TASOR2: variants seen among roughly 807,000 people sequenced by gnomAD.
TASOR2 encodes transcription activation suppressor family member 2, also known as protein TASOR 2.
TASOR2 carries 84 observed loss-of-function variants against 199.5 expected under a neutral mutation model. The ratio of observed to expected loss-of-function variants is 0.42; its 90% confidence interval spans 0.35 to 0.50. The LOEUF (loss-of-function observed/expected upper bound fraction) is 0.50, where lower values mean the gene tolerates loss of function less well. TASOR2 is among the 20% of genes least tolerant of loss of function. TASOR2 has a pLI of 0.02. For missense variants in TASOR2, 2,796 were observed against 2,835.9 expected, an observed-to-expected ratio of 0.99 and a Z score of 0.32; for synonymous variants, 1,103 against 1,046.6, an observed-to-expected ratio of 1.05 and a Z score of -1.04.
At chr10:5,712,752 C>T (rs1158950044) in intron 1 of TASOR2, 71 bp from the exon 2 acceptor site, 1 of 835,426 alleles carries the variant, frequency 1.2e-6, no homozygotes, top group African/African-American at 1.8e-5. Flanking sequence ...TCAAATGATG[C>T]ATTTTTAAAA....
intron 1 of TASOR2, chr10:5,709,410 G>A (rs1831630408): frequency 1.7e-6 from 1 of 590,298 alleles, no homozygotes; most frequent in Non-Finnish European, 2.5e-6. Flanking sequence ...GTCAAAGGAG[G>A]TAAATAAATA....
At chr10:5,703,179 T>C (rs1838114214) in intron 1 of TASOR2, among the ~76,000 whole-genome samples, 1 of 152,192 alleles carries the variant, frequency 6.6e-6, no homozygotes, top group Non-Finnish European at 1.5e-5. Flanking sequence ...AAATTCTCAA[T>C]AATTAACTAG....
In TASOR2 at chr10:5,699,738, G is replaced by A. The variant is rs1837570835; in HGVS notation, c.-287-13085G>A. 1 of 829,190 alleles carries A rather than the reference G, an allele frequency of 1.2e-6. No individual in the cohort carries two copies. Among genetic ancestry groups the A allele is most frequent in the African/African-American group, 1.8e-5 (1 of 54,270 alleles). 51.4% of individuals were successfully genotyped at this position (829,190 alleles called of 1,614,324 possible). ...ATAAAAGTAGAAATGAAATTTTATG[G>A]TAAGTATATTTTACCACAATTTTGA... On this transcript the variant is annotated intron_variant, in intron 1 of 20. Transcript: ENST00000328090. The surrounding 1 kb of genome is among the most constrained non-coding windows in gnomAD (Gnocchi z 4.1).
chr10:5,736,795 T>C (rs530464891), intron 12 of TASOR2, among the ~76,000 whole-genome samples: 17 of 152,044 alleles, frequency 1.1e-4, no homozygotes, highest in Non-Finnish European at 1.9e-4. Flanking sequence ...TTTTTTGTGG[T>C]GTGTGTGTAT....
chr10:5,715,654 G>C (rs1252218778), intron 2 of TASOR2, among the ~76,000 whole-genome samples: 1 of 149,690 alleles, frequency 6.7e-6, no homozygotes, highest in African/African-American at 2.5e-5. Flanking sequence ...TTTTTTTTTT[G>C]GTGGCGGGGT....
At chr10:5,758,330 C>A (rs894994234) in intron 17 of TASOR2, among the ~76,000 whole-genome samples, 1 of 152,114 alleles carries the variant, frequency 6.6e-6, no homozygotes, top group Non-Finnish European at 1.5e-5. Context: ...CCCTGGAGAT[C>A]AGGAGTTCAA....
At chr10:5,757,045 T>C (rs904976146) in intron 16 of TASOR2, among the ~76,000 whole-genome samples, 2 of 152,242 alleles carry the variant, frequency 1.3e-5, no homozygotes, top group African/African-American at 4.8e-5. Context: ...AAAGACCTTT[T>C]GGAAATTTTC....
intron 15 of TASOR2, among the ~76,000 whole-genome samples, chr10:5,753,594 T>C (rs899070274): frequency 5.3e-5 from 8 of 152,134 alleles, no homozygotes; most frequent in African/African-American, 1.9e-4. Context: ...TCTCCTGACC[T>C]TGTGATCCGC....
chr10:5,763,156 CAACTTGGAAAGTTTTCATTTTTTAT>C, exon 21 of TASOR2: 1 of 923,268 alleles, frequency 1.1e-6, no homozygotes, highest in Non-Finnish European at 1.6e-6. Flanking sequence ...CAATGTTCTA[CAACTTGGAAAGTTTTCATTTTTTAT>C]ATTTTGCTGA....
intron 1 of TASOR2, among the ~76,000 whole-genome samples, chr10:5,703,178 A>G (rs553606897): frequency 2.6e-5 from 4 of 152,322 alleles, no homozygotes; most frequent in East Asian, 3.9e-4. Context: ...TAAATTCTCA[A>G]TAATTAACTA....
At position 5,748,978 on chromosome 10, in the gene TASOR2, G is replaced by A; in HGVS notation, c.5557G>A (p.Gly1853Ser). The A allele has an allele frequency of 6.2e-7, 1 of 1,614,150 alleles. No individual in the cohort carries two copies. Among genetic ancestry groups the A allele is most frequent in the African/African-American group, 1.3e-5 (1 of 75,042 alleles). Residue 1853 changes from glycine (G) to serine (S), a missense_variant, in exon 15 of 21, where the codon GGT becomes AGT. Coordinates refer to ENST00000328090, the Ensembl canonical transcript of TASOR2. The surrounding 1 kb of genome is among the most constrained non-coding windows in gnomAD (Gnocchi z 5.1). ...TTTGGAGGATTCTTATACTTTAAGA[G>A]GTAGTTACACCAGGAAAAAAGATGT...
rs1002742029 is a variant in TASOR2 at position 5,751,278 on chromosome 10, C to T, written c.6606+1251C>T. Among the ~76,000 whole-genome samples, 1 of 152,174 alleles carries T rather than the reference C, an allele frequency of 6.6e-6. No homozygotes were observed. The highest frequency in any genetic ancestry group is 6.5e-5 in the Admixed American group (1 of 15,278). On this transcript the variant is annotated intron_variant, in intron 15 of 20. Coordinates refer to ENST00000328090, the Ensembl canonical transcript of TASOR2. This position sits in a 1 kb window ranked among gnomAD's most constrained non-coding sequence, Gnocchi z 5.3. ...GACTTTTATCCACTAGATTTAACAT[C>T]GACTGGTGATTCTTATCTGAATCAG... is the stretch of plus-strand genomic sequence containing the variant.
rs1267560621 is a variant in TASOR2, at chr10:5,761,276, T to C, written c.6993-14T>C. 3.7e-6 allele frequency: 6 copies of C among 1,604,306 alleles called. No homozygotes were observed. The highest frequency in any genetic ancestry group is 1.3e-5 in the African/African-American group (1 of 74,572). ...ACTGAAAAATATTTTAATATGCCTATGTATCTTTCACAGAGTGGATTCAAC... is the reference window on the plus strand; with the variant it reads ...ACTGAAAAATATTTTAATATGCCTACGTATCTTTCACAGAGTGGATTCAAC... On this transcript the variant is annotated splice_polypyrimidine_tract_variant and intron_variant, in intron 18 of 20. Transcript: ENST00000328090.
intron 16 of TASOR2, 109 bp from the exon 18 acceptor site, chr10:5,757,409 ATT>A (rs1839123883): frequency 1.8e-6 from 2 of 1,089,978 alleles, no homozygotes; most frequent in Non-Finnish European, 2.6e-6. Flanking sequence ...AGGTTGAAAT[ATT>A]TTCAGTTGTT....
At position 5,685,335 on chromosome 10, in the gene TASOR2, G is replaced by T. The variant is rs964667026; in HGVS notation, c.-288+160G>T. 6.6e-6 allele frequency among the ~76,000 whole-genome samples: 1 copy of T among 152,070 alleles called. No individual in the cohort carries two copies. The highest frequency in any genetic ancestry group is 2.4e-5 in the African/African-American group (1 of 41,392). ...GGGTGAGGGGGTGGGAGGGGTCGGC[G>T]CCTTCTAGATGACTCAACCTTCTGT... On this transcript the variant is annotated intron_variant, in intron 1 of 20. Transcript: ENST00000328090. This position sits in a 1 kb window ranked among gnomAD's most constrained non-coding sequence, Gnocchi z 5.4.
Position 5,748,123 on chromosome 10 carries a change from G to T in TASOR2, c.4702G>T (p.Val1568Phe). ...TAGAAATTTGGACTTAAAACATCTT[G>T]TCTTGGAGTCCAGTGAACCTCCATT... Residue 1568 changes from valine to phenylalanine, a missense_variant, in exon 15 of 21, where the codon GTC becomes TTC. By Grantham distance (50) the Val-to-Phe change is conservative. Transcript: ENST00000328090. This position sits in a 1 kb window ranked among gnomAD's most constrained non-coding sequence, Gnocchi z 5.1. The T allele has an allele frequency of 6.2e-7, 1 of 1,614,224 alleles. No homozygotes were observed. The highest frequency in any genetic ancestry group is 8.5e-7 in the Non-Finnish European group (1 of 1,180,038).
chr10:5,706,855 T>G lies in TASOR2; in HGVS notation c.-287-5968T>G, dbSNP rs948533625. Among the ~76,000 whole-genome samples the G allele has an allele frequency of 2.6e-5, 4 of 151,872 alleles. No homozygotes were observed. The highest frequency in any genetic ancestry group is 5.9e-5 in the Non-Finnish European group (4 of 67,976). ...CCATCTCTACTAAAAATACAAAAAT[T>G]AGCCGGGCATGTTGCTGGGCACTTG... On this transcript the variant is annotated intron_variant, in intron 1 of 20. Coordinates refer to ENST00000328090, the Ensembl canonical transcript of TASOR2. This position sits in a 1 kb window ranked among gnomAD's most constrained non-coding sequence, Gnocchi z 4.8.
At chr10:5,734,331 G>A (rs1039049290) in intron 11 of TASOR2, among the ~76,000 whole-genome samples, 4 of 152,150 alleles carry the variant, frequency 2.6e-5, no homozygotes, top group African/African-American at 9.7e-5. Context: ...GTGTAAGATA[G>A]TAGATTTGTT....
At chr10:5,727,012 A>G (rs765688051) in intron 9 of TASOR2, 49 bp from the exon 11 acceptor site, 2 of 1,613,570 alleles carry the variant, frequency 1.2e-6, no homozygotes, top group Non-Finnish European at 1.7e-6. Context: ...CTTTTGCTTT[A>G]TAAGATCAAC....
Sources: allele counts gnomAD v4.1 joint callset (sites outside exome capture counted in the v4.1 genomes callset), GRCh38; gene constraint gnomAD v4.1.1; non-coding constraint Gnocchi (gnomAD v3.1); transcripts MANE v1.5; gene names NCBI Gene and HGNC (gene_info 2026-07-23, HGNC 2026-07-21).